RBM41: variants seen among roughly 807,000 people sequenced by gnomAD.
The protein encoded by RBM41 is RNA binding motif protein 41, also known as RNA-binding protein 41.
RBM41 carries 14 observed loss-of-function variants against 30.8 expected under a neutral mutation model. That is an observed-to-expected ratio of 0.45 (90% confidence interval 0.30 to 0.71). The LOEUF (loss-of-function observed/expected upper bound fraction) is 0.71. Among genes scored for constraint, RBM41 ranks in the 30% least tolerant of loss-of-function variants. RBM41 has a pLI of 0.08. For missense variants in RBM41, 276 were observed against 326.3 expected (o/e 0.85, Z 1.19); for synonymous variants, 120 against 110.1 (o/e 1.09, Z -0.56).
In RBM41 at chrX:107,088,538, T is replaced by C; in HGVS notation, c.897A>G (p.Ile299Met). ...GGATTTCATCTTCTGGGACAAATTC[T>C]ATTGGCTGCGTCAGCTTCTTAGGCC... ...WTGPKKLTQP[I>M]EFVPEDEIQR... The change falls in exon 6 of 8, where the codon ATA becomes ATG. Residue 299 changes from isoleucine to methionine, a missense_variant. Transcript: ENST00000685964. The C allele has an allele frequency of 8.3e-7, 1 of 1,211,605 alleles. No individual in the cohort carries two copies. Among genetic ancestry groups the C allele is most frequent in the Admixed American group, 2.2e-5 (1 of 46,025 alleles).
In RBM41 at chrX:107,067,268, G is replaced by T; in HGVS notation, c.*259C>A. ...TTTTAAAAATCCTTAGGAATAATCC[G>T]TTGTAATTCATCCTGAGAAAATAAT... On this transcript the variant is annotated 3_prime_UTR_variant, in exon 8 of 8. Coordinates refer to ENST00000685964, the MANE Select transcript of RBM41 (RefSeq NM_001324242.2). The T allele has an allele frequency of 1.2e-6, 1 of 867,851 alleles. No homozygotes were observed. The highest frequency in any genetic ancestry group is 1.4e-6 in the Non-Finnish European group (1 of 710,323). The allele number at this position is 867,851 out of a possible 1,213,427, so 71.5% of individuals were successfully genotyped here.
chrX:107,108,650 T>C (rs1477782533), intron 5 of RBM41, among the ~76,000 whole-genome samples: 2 of 112,413 alleles, frequency 1.8e-5, no homozygotes, highest in African/African-American at 6.4e-5. Context: ...CCAGGACAAT[T>C]GGCTATCCAT....
the RBM41 span, among the ~76,000 whole-genome samples, chrX:107,054,820 G>A: frequency 1.8e-5 from 2 of 111,830 alleles, no homozygotes; most frequent in Non-Finnish European, 3.8e-5. Context: ...AGAGCACTTG[G>A]GTGGCTTGAT....
downstream of RBM41, among the ~76,000 whole-genome samples, chrX:107,059,643 G>A (rs1380570841): frequency 9.0e-6 from 1 of 111,417 alleles, no homozygotes; most frequent in Non-Finnish European, 1.9e-5. Context: ...TTGCTATTAC[G>A]ATGCAATGAA....
Position 107,115,852 on chromosome X carries a change from C to A in RBM41, c.318+10G>T, listed in dbSNP as rs774645011. On this transcript the variant is annotated intron_variant, in intron 3 of 7. Coordinates refer to ENST00000685964, the MANE Select transcript of RBM41 (RefSeq NM_001324242.2). ...GAAAAACCAACAAAAAAAAACATTACCCCACTCACCTTTTCACCAGAAACA... is the reference window on the plus strand; with the variant it reads ...GAAAAACCAACAAAAAAAAACATTAACCCACTCACCTTTTCACCAGAAACA... The A allele has an allele frequency of 5.2e-6, 6 of 1,160,743 alleles. No homozygotes were observed. In the African/African-American group the frequency reaches 9.1e-5, roughly 18 times the overall value.
chrX:107,069,616 G>T, intron 6 of RBM41: 1 of 291,359 alleles, frequency 3.4e-6, no homozygotes, highest in Non-Finnish European at 5.8e-6. Flanking sequence ...CACCACACCT[G>T]GCTAATTTTT....
chrX:107,054,615 A>C, the RBM41 span, among the ~76,000 whole-genome samples: 3 of 111,971 alleles, frequency 2.7e-5, no homozygotes, highest in East Asian at 8.4e-4. Flanking sequence ...ATTTGGCAGA[A>C]ACCTGTTATG....
At chrX:107,097,444 G>A (rs1440367131) in intron 5 of RBM41, among the ~76,000 whole-genome samples, 1 of 111,086 alleles carries the variant, frequency 9.0e-6, no homozygotes, top group Non-Finnish European at 1.9e-5. Flanking sequence ...TCATGGGGGC[G>A]GTTTCCCCTA....
At chrX:107,058,178 AGCTACTTGG>A (rs2147847829), downstream of RBM41, among the ~76,000 whole-genome samples, 1 of 108,703 alleles carries the variant, frequency 9.2e-6, no homozygotes, top group South Asian at 4.1e-4. Flanking sequence ...CTGTAATCCC[AGCTACTTGG>A]GAGGCTGAGG....
At chrX:107,118,222 A>C in intron 1 of RBM41, among the ~76,000 whole-genome samples, 1 of 71,599 alleles carries the variant, frequency 1.4e-5, no homozygotes. Flanking sequence ...CCCACCCCAT[A>C]AATCGAACCG....
chrX:107,081,795 C>T (rs1334207401), intron 6 of RBM41, among the ~76,000 whole-genome samples: 2 of 111,481 alleles, frequency 1.8e-5, no homozygotes, highest in East Asian at 5.6e-4. Flanking sequence ...TTTTTAATTT[C>T]AAATTCCAAT....
At chrX:107,086,567 T>A (rs1038703595) in intron 6 of RBM41, among the ~76,000 whole-genome samples, 4 of 111,675 alleles carry the variant, frequency 3.6e-5, no homozygotes, top group African/African-American at 1.3e-4. Flanking sequence ...ATGTCACATA[T>A]ACACAAACAC....
At chrX:107,092,720 C>T (rs1183396597) in intron 5 of RBM41, among the ~76,000 whole-genome samples, 1 of 112,445 alleles carries the variant, frequency 8.9e-6, no homozygotes, top group Non-Finnish European at 1.9e-5. Flanking sequence ...GCCAACATTA[C>T]ATGTCAGTGA....
chrX:107,111,270 C>T (rs1424279948), intron 5 of RBM41, among the ~76,000 whole-genome samples: 1 of 110,874 alleles, frequency 9.0e-6, no homozygotes, highest in African/African-American at 3.3e-5. Context: ...ATACAAATGG[C>T]CAAAAAGCAT....
intron 6 of RBM41, among the ~76,000 whole-genome samples, chrX:107,085,031 C>T (rs1305864222): frequency 9.0e-6 from 1 of 110,872 alleles, no homozygotes; most frequent in African/African-American, 3.3e-5. Context: ...TTTATCTATA[C>T]TCCTGCTGAT....
chrX:107,084,420 T>C (rs1921838133), intron 6 of RBM41, among the ~76,000 whole-genome samples: 1 of 111,447 alleles, frequency 9.0e-6, no homozygotes, highest in African/African-American at 3.3e-5. Flanking sequence ...GGATAAGGCT[T>C]TGGTAAAGTT....
downstream of RBM41, among the ~76,000 whole-genome samples, chrX:107,058,862 T>G (rs1935605455): frequency 9.0e-6 from 1 of 111,282 alleles, no homozygotes; most frequent in Admixed American, 9.5e-5. Context: ...AATCTCCCTG[T>G]ATCCTCACAT....
At chrX:107,089,258 T>C (rs954650454) in intron 5 of RBM41, among the ~76,000 whole-genome samples, 3 of 112,234 alleles carry the variant, frequency 2.7e-5, no homozygotes, top group Admixed American at 1.9e-4. Flanking sequence ...GGCTGTTATA[T>C]CTCTTAAGAT....
In RBM41 at chrX:107,063,015, T is replaced by C. The variant is rs906240486; in HGVS notation, c.*4512A>G. On this transcript the variant is annotated 3_prime_UTR_variant, in exon 8 of 8. Transcript: ENST00000685964. ...AGTTATTTACCCATTTTCCTATTGA[T>C]GGACACCCCTACTTTTGTGAGTTTT... is the stretch of plus-strand genomic sequence containing the variant. Among the ~76,000 whole-genome samples the C allele has an allele frequency of 1.1e-4, 12 of 111,684 alleles. No individual in the cohort carries two copies. The highest frequency in any genetic ancestry group is 1.9e-4 in the Admixed American group (2 of 10,481).
Sources: allele counts gnomAD v4.1 joint callset (sites outside exome capture counted in the v4.1 genomes callset), GRCh38; gene constraint gnomAD v4.1.1; transcripts MANE v1.5; gene names NCBI Gene and HGNC (gene_info 2026-07-23, HGNC 2026-07-21).